CASQ2: variants seen among roughly 807,000 people sequenced by gnomAD.
CASQ2 encodes calsequestrin-2.
In CASQ2, 49 loss-of-function variants were observed where a neutral mutation model predicts 46.5. That is an observed-to-expected ratio of 1.05 (90% confidence interval 0.84 to 1.34). The LOEUF (loss-of-function observed/expected upper bound fraction) is 1.34, where lower values mean the gene tolerates loss of function less well. CASQ2 is among the 40% of genes most tolerant of loss of function. The pLI, the probability that CASQ2 is intolerant of heterozygous loss-of-function variation, is 0.00. For missense variants in CASQ2, 486 were observed against 481.3 expected (o/e 1.01, Z -0.09); for synonymous variants, 174 against 168.5 (o/e 1.03, Z -0.25).
intron 5 of CASQ2, among the ~76,000 whole-genome samples, chr1:115,730,196 G>A (rs1169127829): frequency 2.0e-5 from 3 of 152,130 alleles, no homozygotes; most frequent in African/African-American, 7.2e-5. Context: ...AAATTTCCAG[G>A]GCTGGGGCCC....
intron 1 of CASQ2, among the ~76,000 whole-genome samples, chr1:115,751,195 A>G (rs1648567790): frequency 6.6e-6 from 1 of 152,274 alleles, no homozygotes; most frequent in African/African-American, 2.4e-5. Flanking sequence ...TCTTCTTAAT[A>G]TTATGACAGC....
intron 4 of CASQ2, among the ~76,000 whole-genome samples, chr1:115,733,983 G>T (rs1647874129): frequency 6.6e-6 from 1 of 152,182 alleles, no homozygotes; most frequent in African/African-American, 2.4e-5. Context: ...CCTAGAGAGA[G>T]CTATTGATCC....
At chr1:115,730,033 T>G (rs1647733118) in intron 5 of CASQ2, among the ~76,000 whole-genome samples, 1 of 152,220 alleles carries the variant, frequency 6.6e-6, no homozygotes, top group African/African-American at 2.4e-5. Context: ...TTGTTCTAAC[T>G]GCTTCTTCAG....
At chr1:115,702,563 T>C (rs771578556) in intron 10 of CASQ2, among the ~76,000 whole-genome samples, 4 of 152,224 alleles carry the variant, frequency 2.6e-5, no homozygotes, top group Non-Finnish European at 5.9e-5. Flanking sequence ...CCATCACCCA[T>C]TGTGCAGTGA....
At chr1:115,713,524 C>T (rs565383483) in intron 8 of CASQ2, among the ~76,000 whole-genome samples, 2 of 152,174 alleles carry the variant, frequency 1.3e-5, no homozygotes, top group African/African-American at 2.4e-5. Flanking sequence ...TGAACTCAAG[C>T]TCTTGGCCAT....
chr1:115,740,663 T>G (rs984127966), intron 3 of CASQ2, 65 bp downstream of exon 3: 1 of 1,042,140 alleles, frequency 9.6e-7, no homozygotes, highest in African/African-American at 1.6e-5. Flanking sequence ...TTCTTTGGGG[T>G]TCTATCTCTC....
intron 1 of CASQ2, among the ~76,000 whole-genome samples, chr1:115,747,088 A>AT: frequency 6.6e-6 from 1 of 152,036 alleles, no homozygotes; most frequent in South Asian, 2.1e-4. Context: ...GAATTCTCTT[A>AT]TTTTTTCTAA....
chr1:115,756,050 T>C (rs1171216633), intron 1 of CASQ2, among the ~76,000 whole-genome samples: 1 of 152,216 alleles, frequency 6.6e-6, no homozygotes, highest in Non-Finnish European at 1.5e-5. Context: ...AACAGTTAGA[T>C]ATCCGAGGCC....
Position 115,730,666 on chromosome 1 carries a change from C to G in CASQ2, c.606+2235G>C, listed in dbSNP as rs116484402. 6.8e-3 allele frequency among the ~76,000 whole-genome samples: 1,028 copies of G among 152,288 alleles called. 9 individuals are homozygous for G. The highest frequency in any genetic ancestry group is 0.015 in the South Asian group (71 of 4,820). The stretch of plus-strand genomic sequence containing the variant: ...AGCTTCATAATTTTTGCTGTCTTAA[C>G]GCCAAGACTTGCTATCTTAAGTTAT... On this transcript the variant is annotated intron_variant, in intron 5 of 10. Transcript: ENST00000261448.
At chr1:115,703,247 C>T (rs1654266701) in intron 9 of CASQ2, among the ~76,000 whole-genome samples, 2 of 152,190 alleles carry the variant, frequency 1.3e-5, no homozygotes, top group African/African-American at 2.4e-5. Flanking sequence ...TAGAGGTGGT[C>T]TAATGTTGCT....
chr1:115,710,002 A>G (rs1654490458), intron 8 of CASQ2, among the ~76,000 whole-genome samples: 1 of 151,554 alleles, frequency 6.6e-6, no homozygotes, highest in South Asian at 2.1e-4. Context: ...ACCACCATGC[A>G]GTTAATTTTT....
At chr1:115,763,389 C>T (rs769238912) in intron 1 of CASQ2, among the ~76,000 whole-genome samples, 1 of 151,994 alleles carries the variant, frequency 6.6e-6, no homozygotes, top group East Asian at 1.9e-4. Flanking sequence ...GACCTGTGAC[C>T]GCTGGCAACT....
intron 8 of CASQ2, among the ~76,000 whole-genome samples, chr1:115,711,812 G>A (rs1278643990): frequency 2.6e-5 from 4 of 151,950 alleles, no homozygotes; most frequent in East Asian, 3.9e-4. Context: ...ATGCTACCAT[G>A]CCCAGCTAAT....
In CASQ2 at chr1:115,740,753, T is replaced by A. The variant is rs1648147556; in HGVS notation, c.395A>T (p.Asp132Val). The change falls in exon 3 of 11, where the codon GAT becomes GTT. Residue 132 changes from aspartate to valine, a missense_variant. Physicochemically the swap from Asp to Val is radical, Grantham distance 152 (BLOSUM62 -3). Transcript: ENST00000261448. ...ATCCAAGAGGAACTCCACCAAGACA[T>A]CAGCTGCAAACTCGCCATCAAACTC... is the stretch of plus-strand genomic sequence containing the variant. Reference protein sequence around the residue: ...TIEFDGEFAADVLVEFLLDLI... With the variant: ...TIEFDGEFAAVVLVEFLLDLI... 1.2e-6 allele frequency: 2 copies of A among 1,612,434 alleles called. No individual in the cohort carries two copies. Among genetic ancestry groups the A allele is most frequent in the African/African-American group, 1.3e-5 (1 of 74,894 alleles).
At chr1:115,737,045 G>A (rs1368136978) in intron 4 of CASQ2, among the ~76,000 whole-genome samples, 4 of 152,172 alleles carry the variant, frequency 2.6e-5, no homozygotes, top group Non-Finnish European at 2.9e-5. Flanking sequence ...CTACATGGAT[G>A]AAGAGGATAG....
intron 1 of CASQ2, among the ~76,000 whole-genome samples, chr1:115,749,343 G>C (rs921655467): frequency 1.3e-5 from 2 of 152,160 alleles, no homozygotes; most frequent in Non-Finnish European, 2.9e-5. Flanking sequence ...TTATCTTATG[G>C]ATATTTATAT....
At chr1:115,741,835 T>A (rs545820328) in intron 2 of CASQ2, among the ~76,000 whole-genome samples, 173 of 152,330 alleles carry the variant, frequency 1.1e-3, no homozygotes, top group Non-Finnish European at 2.1e-3. Flanking sequence ...TTGCCTGGCA[T>A]CCTTAATTCC....
At chr1:115,737,971 C>T (rs1292141880) in intron 4 of CASQ2, among the ~76,000 whole-genome samples, 1 of 152,188 alleles carries the variant, frequency 6.6e-6, no homozygotes, top group Non-Finnish European at 1.5e-5. Context: ...GAGCTTTTCT[C>T]TTTTTTGTAG....
At chr1:115,738,576 A>G (rs1279515384) in intron 3 of CASQ2, among the ~76,000 whole-genome samples, 1 of 152,154 alleles carries the variant, frequency 6.6e-6, no homozygotes, top group Non-Finnish European at 1.5e-5. Context: ...GTTTTAGAAA[A>G]CATTTATTTT....
Sources: allele counts gnomAD v4.1 joint callset (sites outside exome capture counted in the v4.1 genomes callset), GRCh38; gene constraint gnomAD v4.1.1; transcripts MANE v1.5; gene names NCBI Gene and HGNC (gene_info 2026-07-23, HGNC 2026-07-21).